The following PEAK1 variants were observed in gnomAD, a reference collection of about 807,000 sequenced individuals.
PEAK1 encodes the protein pseudopodium enriched atypical kinase 1, also known as inactive tyrosine-protein kinase PEAK1.
A neutral mutation model predicts 124.7 loss-of-function variants in PEAK1; 54 were observed. That is an observed-to-expected ratio of 0.43 (90% confidence interval 0.35 to 0.54). The LOEUF (loss-of-function observed/expected upper bound fraction) is 0.54, where lower values mean the gene tolerates loss of function less well. Among genes scored for constraint, PEAK1 ranks in the 20% least tolerant of loss-of-function variants. The pLI is 0.01. For synonymous variants in PEAK1, 719 were observed against 760.0 expected (o/e 0.95, Z 0.89); for missense variants, 2,046 against 2,134.5 (o/e 0.96, Z 0.82).
chr15:77,230,252 T>G (rs1596742141), intron 6 of PEAK1, among the ~76,000 whole-genome samples: 2 of 151,412 alleles, frequency 1.3e-5, no homozygotes, highest in Non-Finnish European at 2.9e-5. Context: ...CAGGCTGGAG[T>G]GCAGTGGTGC....
intron 6 of PEAK1, among the ~76,000 whole-genome samples, chr15:77,232,230 C>T (rs1159154871): frequency 6.6e-6 from 1 of 152,122 alleles, no homozygotes; most frequent in African/African-American, 2.4e-5. Context: ...TCTTGACTCT[C>T]CTTCCCTGTC....
At chr15:77,269,075 T>A (rs1242807770) in intron 5 of PEAK1, among the ~76,000 whole-genome samples, 1 of 146,750 alleles carries the variant, frequency 6.8e-6, no homozygotes, top group Non-Finnish European at 1.5e-5. Context: ...AAAGCATAAA[T>A]CTCACAGGAC....
intron 2 of PEAK1, among the ~76,000 whole-genome samples, chr15:77,298,696 G>A (rs1348708548): frequency 6.6e-6 from 1 of 152,040 alleles, no homozygotes; most frequent in African/African-American, 2.4e-5. Context: ...CATAGTTTAG[G>A]GGTAGGAAAA....
chr15:77,172,095 G>C (rs1248496769), intron 7 of PEAK1, among the ~76,000 whole-genome samples: 1 of 152,084 alleles, frequency 6.6e-6, no homozygotes, highest in Non-Finnish European at 1.5e-5. Flanking sequence ...TTTGATAAGT[G>C]GTAGTTTCTT....
At chr15:77,158,312 G>T in intron 8 of PEAK1, 191 bp downstream of exon 8, 1 of 581,092 alleles carries the variant, frequency 1.7e-6, no homozygotes, top group Non-Finnish European at 3.1e-6. Flanking sequence ...CAGGGCTCAT[G>T]GGTGCAGGTG....
chr15:77,372,993 T>A (rs1024507304), intron 1 of PEAK1, among the ~76,000 whole-genome samples: 2 of 152,164 alleles, frequency 1.3e-5, no homozygotes, highest in Admixed American at 1.3e-4. Context: ...CATGAACCAA[T>A]TAAACCTCTT....
chr15:77,144,350 C>A (rs1211582809), intron 8 of PEAK1, among the ~76,000 whole-genome samples: 1 of 152,208 alleles, frequency 6.6e-6, no homozygotes, highest in Non-Finnish European at 1.5e-5. Context: ...ATGGCACTTA[C>A]CAAATGAAGC....
In PEAK1 at chr15:77,180,899, G is replaced by A. The variant is rs753133536; in HGVS notation, c.1028C>T (p.Ser343Leu). 6.2e-7 allele frequency: 1 copy of A among 1,614,030 alleles called. No homozygotes were observed. Among genetic ancestry groups the A allele is most frequent in the South Asian group, 1.1e-5 (1 of 91,090 alleles). ...IQSMVSSDST[S>L]PDSSLTEESR... ...TTCTTCTGTTAAAGAAGAATCTGGT[G>A]ATGTGGAGTCAGATGACACCATGCT... The change falls in exon 7 of 10, where the codon TCA (serine) becomes TTA (leucine). Residue 343 changes from serine to leucine, a missense_variant. Coordinates refer to ENST00000682557, the MANE Select transcript of PEAK1 (RefSeq NM_001385026.1).
chr15:77,353,100 C>G (rs2067302319), intron 2 of PEAK1: 1 of 514,758 alleles, frequency 1.9e-6, no homozygotes, highest in Admixed American at 6.4e-5. Flanking sequence ...AACACATGCA[C>G]TGCTTTTCAA....
chr15:77,321,405 G>A (rs1199097239), intron 2 of PEAK1, among the ~76,000 whole-genome samples: 1 of 152,118 alleles, frequency 6.6e-6, no homozygotes. Flanking sequence ...TTTCTCTGAT[G>A]GCCAGTGATG....
At chr15:77,331,167 C>T (rs2065870333) in intron 2 of PEAK1, 1 of 376,996 alleles carries the variant, frequency 2.7e-6, no homozygotes, top group Non-Finnish European at 3.6e-6. Flanking sequence ...TCTTGCTCTG[C>T]TGCCCAGGCT....
intron 1 of PEAK1, among the ~76,000 whole-genome samples, chr15:77,399,244 C>A (rs1377617227): frequency 6.6e-6 from 1 of 151,930 alleles, no homozygotes; most frequent in Non-Finnish European, 1.5e-5. Context: ...AATGTCCATA[C>A]AACCCAAAGC....
intron 1 of PEAK1, among the ~76,000 whole-genome samples, chr15:77,365,458 C>G (rs2068155207): frequency 6.6e-6 from 1 of 152,172 alleles, no homozygotes; most frequent in South Asian, 2.1e-4. Flanking sequence ...TCAAAACAGG[C>G]CGGGCACGGC....
At chr15:77,284,083 C>G (rs2062801725) in intron 4 of PEAK1, 53 bp from the exon 5 acceptor site, 1 of 932,326 alleles carries the variant, frequency 1.1e-6, no homozygotes, top group Non-Finnish European at 1.3e-6. Context: ...GTCACTTAGT[C>G]TAGCCCAGCT....
chr15:77,408,052 C>T (rs991636285), intron 1 of PEAK1, among the ~76,000 whole-genome samples: 1 of 150,320 alleles, frequency 6.7e-6, no homozygotes, highest in East Asian at 1.9e-4. Context: ...TATACACATA[C>T]ATGCATAGAT....
At chr15:77,335,515 T>C in intron 2 of PEAK1, 1 of 983,630 alleles carries the variant, frequency 1.0e-6, no homozygotes, top group Non-Finnish European at 1.2e-6. Flanking sequence ...GGGTCTGGCT[T>C]GTTGCCCAGG....
chr15:77,407,954 CACAT>C (rs1223215054), intron 1 of PEAK1, among the ~76,000 whole-genome samples: 1 of 89,760 alleles, frequency 1.1e-5, no homozygotes, highest in Non-Finnish European at 3.1e-5. Flanking sequence ...CACATATACA[CACAT>C]ATATACACAT....
chr15:77,176,680 T>A lies in PEAK1; in HGVS notation c.3137+2110A>T, dbSNP rs189035346. On this transcript the variant is annotated intron_variant, in intron 7 of 9. Transcript: ENST00000682557. ...CTGACTGGCCTATGTATAACCTAAT[T>A]GTGAAAATAAAAGCTGTATAGTAAG... 3.9e-5 allele frequency among the ~76,000 whole-genome samples: 6 copies of A among 152,290 alleles called. No individual in the cohort carries two copies. In the East Asian group the frequency reaches 9.6e-4, roughly 24 times the overall value.
chr15:77,172,926 A>G (rs1287643489), intron 7 of PEAK1, among the ~76,000 whole-genome samples: 1 of 151,932 alleles, frequency 6.6e-6, no homozygotes, highest in Non-Finnish European at 1.5e-5. Flanking sequence ...CTAATTTTTA[A>G]AATTTTTAGT....
Sources: allele counts gnomAD v4.1 joint callset (sites outside exome capture counted in the v4.1 genomes callset), GRCh38; gene constraint gnomAD v4.1.1; transcripts MANE v1.5; gene names NCBI Gene and HGNC (gene_info 2026-07-23, HGNC 2026-07-21).